GSG1L: variants seen among roughly 807,000 people sequenced by gnomAD.
GSG1L encodes GSG1 like, also known as germ cell-specific gene 1-like protein.
Under a neutral mutation model 42.1 loss-of-function variants are expected in GSG1L, and 24 were observed. The ratio of observed to expected loss-of-function variants is 0.57; its 90% CI spans 0.41 to 0.80. GSG1L has a LOEUF of 0.80. Among genes scored for constraint, GSG1L ranks in the 30% least tolerant of loss-of-function variants. The pLI is 0.00. For missense variants in GSG1L, 445 were observed against 472.2 expected, an observed-to-expected ratio of 0.94 and a Z score of 0.53; for synonymous variants, 215 against 203.5, an observed-to-expected ratio of 1.06 and a Z score of -0.48.
chr16:28,035,351 T>A (rs1170489930), intron 1 of GSG1L, among the ~76,000 whole-genome samples: 2 of 152,164 alleles, frequency 1.3e-5, no homozygotes, highest in Non-Finnish European at 2.9e-5. Context: ...TAAATGGCTT[T>A]TAGAGTGCCT....
intron 3 of GSG1L, among the ~76,000 whole-genome samples, chr16:27,868,722 C>T (rs1201885636): frequency 6.6e-6 from 1 of 152,162 alleles, no homozygotes; most frequent in Non-Finnish European, 1.5e-5. Flanking sequence ...CATTTCTTCT[C>T]GGCAACCCTC....
chr16:27,998,247 T>C, intron 1 of GSG1L: 1 of 152,196 alleles, frequency 6.6e-6, no homozygotes, highest in Non-Finnish European at 1.5e-5. Context: ...AGTAAGAACA[T>C]ACAGAGTCTG....
chr16:27,911,624 C>T (rs1185359716), intron 2 of GSG1L, among the ~76,000 whole-genome samples: 6 of 152,116 alleles, frequency 3.9e-5, no homozygotes, highest in Non-Finnish European at 8.8e-5. Flanking sequence ...GTATTTTCTG[C>T]CTCAGGGCCT....
chr16:27,921,710 TG>T (rs1437040182), intron 2 of GSG1L, among the ~76,000 whole-genome samples: 1 of 152,196 alleles, frequency 6.6e-6, no homozygotes, highest in African/African-American at 2.4e-5. Context: ...CTTGATAGCT[TG>T]GATATGCCCT....
intron 2 of GSG1L, among the ~76,000 whole-genome samples, chr16:27,939,901 G>A (rs376327208): frequency 2.6e-5 from 4 of 151,814 alleles, no homozygotes; most frequent in East Asian, 1.9e-4. Flanking sequence ...GGCTGGTCTC[G>A]AGCTCCTGGG....
At chr16:27,960,893 C>T (rs543960518) in intron 2 of GSG1L, among the ~76,000 whole-genome samples, 2 of 151,994 alleles carry the variant, frequency 1.3e-5, no homozygotes, top group Non-Finnish European at 2.9e-5. Flanking sequence ...GGTGTGGCTG[C>T]CAAGCCCTAA....
At chr16:27,979,766 G>GAAAGAAAGAAAGAA (rs1355239559) in intron 1 of GSG1L, among the ~76,000 whole-genome samples, 1 of 114,534 alleles carries the variant, frequency 8.7e-6, no homozygotes, top group Admixed American at 9.9e-5. Flanking sequence ...AAGAAAGAAA[G>GAAAGAAAGAAAGAA]AAGGAAAGAA....
chr16:27,865,276 G>T (rs1260553580), intron 3 of GSG1L, among the ~76,000 whole-genome samples: 1 of 152,000 alleles, frequency 6.6e-6, no homozygotes, highest in Admixed American at 6.6e-5. Context: ...CTGGTCCTTG[G>T]AGTGTGTTTT....
intron 2 of GSG1L, among the ~76,000 whole-genome samples, chr16:27,945,435 C>T (rs8051329): frequency 0.47 from 70,619 of 151,850 alleles, 16,927 homozygotes; most frequent in African/African-American, 0.58. Context: ...AATCACTAGC[C>T]CCTCCCCCTG....
chr16:27,935,751 T>C (rs1263150028), intron 2 of GSG1L, among the ~76,000 whole-genome samples: 1 of 151,268 alleles, frequency 6.6e-6, no homozygotes, highest in Non-Finnish European at 1.5e-5. Context: ...GCCTGGCCCC[T>C]CCTGCTCCCT....
At chr16:27,966,620 C>T (rs555210047) in intron 1 of GSG1L, among the ~76,000 whole-genome samples, 2 of 152,276 alleles carry the variant, frequency 1.3e-5, no homozygotes, top group South Asian at 2.1e-4. Flanking sequence ...GAAGCTTCCC[C>T]TCTTCAGTCT....
rs1371989212 is a variant in GSG1L at position 27,790,173 on chromosome 16, G to A, written c.*1197C>T. 1 of 151,910 alleles carries A rather than the reference G, an allele frequency of 6.6e-6. No individual in the cohort carries two copies. The highest frequency in any genetic ancestry group is 1.5e-5 in the Non-Finnish European group (1 of 67,966). The allele number at this position is 151,910 out of a possible 1,614,324, so 9.4% of individuals were successfully genotyped here. Reference sequence around the variant, plus strand: ...ATGGATGGATGATGAATGATGGATGGATAATAGATGATGAATGGGTGGATA... The same window carrying A: ...ATGGATGGATGATGAATGATGGATGAATAATAGATGATGAATGGGTGGATA... On this transcript the variant is annotated 3_prime_UTR_variant, in exon 7 of 7. Coordinates refer to ENST00000447459, the MANE Select transcript of GSG1L (RefSeq NM_001109763.2).
chr16:28,030,756 AATGGG>A (rs111808934), intron 1 of GSG1L, among the ~76,000 whole-genome samples: 18,797 of 95,704 alleles, frequency 0.2, 2,223 homozygotes, highest in Non-Finnish European at 0.24. Flanking sequence ...GTTAGGATGG[AATGGG>A]ATGGGATGGG....
chr16:27,869,230 G>A (rs990910315), intron 3 of GSG1L, among the ~76,000 whole-genome samples: 2 of 150,526 alleles, frequency 1.3e-5, no homozygotes, highest in African/African-American at 5.0e-5. Flanking sequence ...AGTTATGGAG[G>A]TGGAGAGAAC....
chr16:27,914,788 A>G (rs2084432921), intron 2 of GSG1L, among the ~76,000 whole-genome samples: 1 of 152,154 alleles, frequency 6.6e-6, no homozygotes. Context: ...AATAACATAT[A>G]AATCATGGGA....
intron 1 of GSG1L, among the ~76,000 whole-genome samples, chr16:28,003,310 G>A (rs1383692735): frequency 6.6e-6 from 1 of 152,238 alleles, no homozygotes; most frequent in East Asian, 1.9e-4. Flanking sequence ...GGATACACGG[G>A]CATCTCGCTG....
chr16:27,831,319 GTTTCTT>G (rs2140968883), intron 4 of GSG1L, among the ~76,000 whole-genome samples: 1 of 152,302 alleles, frequency 6.6e-6, no homozygotes, highest in Admixed American at 6.5e-5. Flanking sequence ...GGAAGTCTCA[GTTTCTT>G]TTTATTTTTT....
chr16:27,938,118 C>T (rs1195681627), intron 2 of GSG1L, among the ~76,000 whole-genome samples: 1 of 152,082 alleles, frequency 6.6e-6, no homozygotes, highest in Admixed American at 6.5e-5. Flanking sequence ...TAGGGTTGCA[C>T]CATGCAGAGA....
At chr16:27,859,199 T>A (rs1027010493) in intron 3 of GSG1L, among the ~76,000 whole-genome samples, 6 of 152,164 alleles carry the variant, frequency 3.9e-5, no homozygotes, top group Non-Finnish European at 8.8e-5. Flanking sequence ...AGGCTCTTGG[T>A]CTTCTCCTGA....
Sources: gnomAD v4.1 joint callset for allele counts (sites outside exome capture counted in the v4.1 genomes callset) on GRCh38, gnomAD v4.1.1 for gene constraint, MANE v1.5 for transcripts, NCBI Gene and HGNC (gene_info 2026-07-23, HGNC 2026-07-21) for gene names.